Variants in DNAAF1 observed in about 807,000 individuals in gnomAD.
DNAAF1 encodes dynein axonemal assembly factor 1, also known as dynein assembly factor 1, axonemal.
Under a neutral mutation model 71.1 loss-of-function variants are expected in DNAAF1, and 65 were observed. The observed-to-expected ratio is 0.91, with a 90% CI of 0.75 to 1.12. The LOEUF is 1.12. DNAAF1 is among the 50% of genes most tolerant of loss of function. DNAAF1 has a pLI of 0.00. For missense variants in DNAAF1, 1,178 were observed against 899.8 expected, an observed-to-expected ratio of 1.31 and a Z score of -3.96; for synonymous variants, 414 against 354.6, an observed-to-expected ratio of 1.17 and a Z score of -1.88.
intron 1 of DNAAF1, among the ~76,000 whole-genome samples, chr16:84,146,660 T>G (rs2086927041): frequency 6.6e-6 from 1 of 151,438 alleles, no homozygotes; most frequent in Non-Finnish European, 1.5e-5. Flanking sequence ...GAGGTTGCAG[T>G]GAGCCAAGGG....
At position 84,145,554 on chromosome 16, in the gene DNAAF1, C is replaced by T. The variant is rs772497904; in HGVS notation, c.114C>T (p.Gly38=). Residue 38 remains glycine (G), a synonymous_variant, in exon 1 of 12, where the codon GGC becomes GGT. Coordinates refer to ENST00000378553, the MANE Select transcript of DNAAF1 (RefSeq NM_178452.6). ...AGDHGSAGRG[G]CKEEINDPKE... The stretch of plus-strand genomic sequence containing the variant: ...ACCACGGGAGCGCAGGCCGAGGGGG[C>T]TGCAAGGAAGGTGCCGACTGCCCCC... 87 of 1,548,352 alleles carry T rather than the reference C, an allele frequency of 5.6e-5. No homozygotes were observed. Among genetic ancestry groups the T allele is most frequent in the Admixed American group, 2.0e-4 (10 of 50,972 alleles).
At chr16:84,163,017 G>A (rs894112124) in intron 6 of DNAAF1, among the ~76,000 whole-genome samples, 2 of 152,248 alleles carry the variant, frequency 1.3e-5, no homozygotes, top group Middle Eastern at 3.4e-3. Context: ...GTTCATCTGC[G>A]ATGCAGCGTG....
At chr16:84,159,867 T>A (rs1567548096) in intron 6 of DNAAF1, 71 bp downstream of exon 6, 3 of 1,570,670 alleles carry the variant, frequency 1.9e-6, no homozygotes, top group Non-Finnish European at 2.6e-6. Context: ...TTAAACTTTT[T>A]AAATTTCTGA....
At chr16:84,158,121 C>A (rs1364386717) in intron 5 of DNAAF1, among the ~76,000 whole-genome samples, 1 of 152,068 alleles carries the variant, frequency 6.6e-6, no homozygotes, top group Non-Finnish European at 1.5e-5. Flanking sequence ...AGGAGAATGG[C>A]GCGAACCTGG....
intron 9 of DNAAF1, chr16:84,172,968 G>A (rs1291427215): frequency 1.0e-6 from 1 of 1,000,968 alleles, no homozygotes; most frequent in Admixed American, 5.3e-5. Context: ...AGGCCCACAA[G>A]AATGGTACCA....
intron 5 of DNAAF1, among the ~76,000 whole-genome samples, chr16:84,157,487 C>G (rs368933445): frequency 6.7e-6 from 1 of 149,888 alleles, no homozygotes; most frequent in South Asian, 2.1e-4. Context: ...CCACTGCACT[C>G]CAGACAGAAT....
chr16:84,170,196 A>G lies in DNAAF1; in HGVS notation c.1368A>G (p.Lys456=). ...CACCCCCGCCACCTGTGGAGGTTAA[A>G]GGAGAGGATGGAGATCAAGAGCCAG... ...APPPPPPVEV[K]GEDGDQEPEG... The change falls in exon 8 of 12, where the codon AAA becomes AAG. Residue 456 remains lysine, a synonymous_variant. Coordinates refer to ENST00000378553, the MANE Select transcript of DNAAF1 (RefSeq NM_178452.6). 1 of 1,609,690 alleles carries G rather than the reference A, an allele frequency of 6.2e-7. No homozygotes were observed. Among genetic ancestry groups the G allele is most frequent in the Non-Finnish European group, 8.5e-7 (1 of 1,178,310 alleles).
At position 84,177,850 on chromosome 16, in the gene DNAAF1, A is replaced by G. The variant is rs1323641775; in HGVS notation, c.*9A>G. 2 of 1,601,864 alleles carry G rather than the reference A, an allele frequency of 1.2e-6. No homozygotes were observed. The highest frequency in any genetic ancestry group is 1.7e-6 in the Non-Finnish European group (2 of 1,169,156). Reference sequence around the variant, plus strand: ...CACCGAAAGCATCATAGTTTTCCCCAGTTATATGTAGCATAAATGGTTTAA... The same window carrying G: ...CACCGAAAGCATCATAGTTTTCCCCGGTTATATGTAGCATAAATGGTTTAA... On this transcript the variant is annotated 3_prime_UTR_variant, in exon 12 of 12. Transcript: ENST00000378553.
chr16:84,172,201 G>T, intron 8 of DNAAF1, 59 bp from the exon 9 acceptor site: 1 of 1,528,028 alleles, frequency 6.5e-7, no homozygotes, highest in South Asian at 1.2e-5. Flanking sequence ...TTCACCGTAG[G>T]CTCGTCCATC....
chr16:84,154,639 A>G lies in DNAAF1; in HGVS notation c.415A>G (p.Asn139Asp). The change falls in exon 4 of 12, where the codon AAT becomes GAT. Residue 139 changes from asparagine to aspartate, a missense_variant. Coordinates refer to ENST00000378553, the MANE Select transcript of DNAAF1 (RefSeq NM_178452.6). ...TGLRCLWLQS[N>D]GIQKIENLEA... ...GCTGCGCTGTCTCTGGCTGCAGAGC[A>G]ATGGAATACAGAAAATCGAAAACCT... The G allele has an allele frequency of 6.2e-7, 1 of 1,614,210 alleles. No individual in the cohort carries two copies.
chr16:84,151,681 A>G (rs1017422717), intron 3 of DNAAF1, among the ~76,000 whole-genome samples: 1 of 152,142 alleles, frequency 6.6e-6, no homozygotes, highest in African/African-American at 2.4e-5. Flanking sequence ...GGAACTCGGG[A>G]GTCATCAGCT....
intron 4 of DNAAF1, 59 bp downstream of exon 4, chr16:84,154,857 G>C: frequency 7.2e-7 from 1 of 1,384,958 alleles, no homozygotes; most frequent in South Asian, 1.2e-5. Flanking sequence ...CTTCCCCTGA[G>C]GGATGTTCTA....
intron 6 of DNAAF1, among the ~76,000 whole-genome samples, chr16:84,163,223 G>A (rs1291999760): frequency 1.3e-5 from 2 of 152,174 alleles, no homozygotes; most frequent in Admixed American, 1.3e-4. Flanking sequence ...GGGTCATACA[G>A]GGACTTTACA....
At chr16:84,166,357 ATTTTCTTT>A (rs1358381451) in intron 7 of DNAAF1, among the ~76,000 whole-genome samples, 4 of 128,224 alleles carry the variant, frequency 3.1e-5, no homozygotes, top group African/African-American at 1.2e-4. Context: ...CCAGCCTTGG[ATTTTCTTT>A]TTTTCTTTTT....
chr16:84,158,255 G>A (rs894903545), intron 5 of DNAAF1, among the ~76,000 whole-genome samples: 4 of 152,108 alleles, frequency 2.6e-5, no homozygotes, highest in African/African-American at 4.8e-5. Flanking sequence ...TCATGATTCT[G>A]GAGACTGAAA....
intron 1 of DNAAF1, among the ~76,000 whole-genome samples, chr16:84,148,417 G>T (rs1047418953): frequency 6.6e-6 from 1 of 151,520 alleles, no homozygotes; most frequent in Admixed American, 6.6e-5. Flanking sequence ...CATTTACGTT[G>T]TTAACAGTTT....
chr16:84,163,910 C>G (rs892227542), intron 6 of DNAAF1, among the ~76,000 whole-genome samples: 2 of 151,724 alleles, frequency 1.3e-5, no homozygotes, highest in Non-Finnish European at 2.9e-5. Context: ...CCAAGCAACC[C>G]TCCCACCTCT....
chr16:84,151,586 C>T (rs564505619), intron 3 of DNAAF1, among the ~76,000 whole-genome samples: 1 of 152,232 alleles, frequency 6.6e-6, no homozygotes, highest in Non-Finnish European at 1.5e-5. Flanking sequence ...GAGAGGTGCC[C>T]ATATTAGTTA....
chr16:84,174,350 T>C (rs1364252688), intron 9 of DNAAF1: 3 of 1,270,794 alleles, frequency 2.4e-6, no homozygotes, highest in Non-Finnish European at 3.0e-6. Flanking sequence ...GCATTTGGTT[T>C]GGGTCCCATT....
Sources: allele counts gnomAD v4.1 joint callset (sites outside exome capture counted in the v4.1 genomes callset), GRCh38; gene constraint gnomAD v4.1.1; transcripts MANE v1.5; gene names NCBI Gene and HGNC (gene_info 2026-07-23, HGNC 2026-07-21).